PRKN: variants seen among roughly 807,000 people sequenced by gnomAD.
PRKN encodes the protein parkin RBR E3 ubiquitin protein ligase.
Under a neutral mutation model 59.5 loss-of-function variants are expected in PRKN, and 56 were observed. That is an observed-to-expected ratio of 0.94 (90% CI 0.76 to 1.18). The LOEUF (loss-of-function observed/expected upper bound fraction) is 1.18. Among genes scored for constraint, PRKN ranks in the 50% most tolerant of loss-of-function variants. The probability of loss-of-function intolerance (pLI) is 0.00; values close to 1 mark genes in which losing one functional copy is unlikely to be tolerated. For synonymous variants in PRKN, 250 were observed against 222.1 expected (o/e 1.13, Z -1.12); for missense variants, 657 against 596.4 (o/e 1.10, Z -1.06).
intron 6 of PRKN, among the ~76,000 whole-genome samples, chr6:161,876,194 T>C (rs181283233): frequency 1.9e-4 from 29 of 152,332 alleles, no homozygotes; most frequent in Admixed American, 7.2e-4. Flanking sequence ...ATATTGATTA[T>C]TACACTGCTT....
At chr6:161,722,969 A>G (rs1433657718) in intron 7 of PRKN, among the ~76,000 whole-genome samples, 4 of 152,204 alleles carry the variant, frequency 2.6e-5, no homozygotes, top group Non-Finnish European at 2.9e-5. Flanking sequence ...CTCATTTAGG[A>G]GTTAAACAGT....
chr6:162,356,542 T>C (rs1414564529), intron 2 of PRKN, among the ~76,000 whole-genome samples: 1 of 151,686 alleles, frequency 6.6e-6, no homozygotes, highest in Non-Finnish European at 1.5e-5. Flanking sequence ...TACATTTTTT[T>C]TTGCTTGGTC....
rs558030904 is a variant in PRKN, at chr6:162,377,978, C to CA, written c.171+65331dup. The stretch of plus-strand genomic sequence containing the variant: ...AACGCCTAGTAAAACAAGAGGATCC[C>CA]AGTCTCTCCCAGCAGAGTGTGGGCA... On this transcript the variant is annotated intron_variant, in intron 2 of 11. Transcript: ENST00000366898. Among the ~76,000 whole-genome samples the CA allele has an allele frequency of 5.1e-3, 783 of 152,270 alleles. 11 individuals are homozygous for CA. The highest frequency in any genetic ancestry group is 7.0e-3 in the Non-Finnish European group (473 of 68,016).
At chr6:161,626,362 A>G (rs1483470052) in intron 7 of PRKN, among the ~76,000 whole-genome samples, 1 of 152,178 alleles carries the variant, frequency 6.6e-6, no homozygotes, top group Non-Finnish European at 1.5e-5. Flanking sequence ...ACTACCACCC[A>G]TGTGTACACG....
chr6:161,634,777 A>G (rs1298352041), intron 7 of PRKN, among the ~76,000 whole-genome samples: 4 of 152,240 alleles, frequency 2.6e-5, no homozygotes, highest in Non-Finnish European at 4.4e-5. Flanking sequence ...CAAGCAGGTC[A>G]TAAGAACTCA....
intron 1 of PRKN, among the ~76,000 whole-genome samples, chr6:162,529,340 T>C (rs1778412174): frequency 6.6e-6 from 1 of 152,170 alleles, no homozygotes; most frequent in African/African-American, 2.4e-5. Context: ...TAGAAAAGCA[T>C]GCCTATATAT....
chr6:161,805,253 T>C (rs1410301481), intron 6 of PRKN, among the ~76,000 whole-genome samples: 1 of 152,184 alleles, frequency 6.6e-6, no homozygotes, highest in South Asian at 2.1e-4. Flanking sequence ...AACTTGAAAC[T>C]GCCTGTTCTT....
At chr6:162,047,405 A>G (rs966663099) in intron 5 of PRKN, among the ~76,000 whole-genome samples, 1 of 152,234 alleles carries the variant, frequency 6.6e-6, no homozygotes, top group Non-Finnish European at 1.5e-5. Context: ...AGCATGGGCA[A>G]CACAAGAATA....
Position 161,973,391 on chromosome 6 carries a change from G to T in PRKN, c.645C>A (p.His215Gln), listed in dbSNP as rs746340817. ...CTGATGTTTCCTTGTCAGAGGTGGG[G>T]TGTGCTCCACATTTAAAGAAAAATT... ...SAEFFFKCGA[H>Q]PTSDKETSVA... The change falls in exon 6 of 12, where the codon CAC (histidine) becomes CAA (glutamine). Residue 215 changes from histidine to glutamine, a missense_variant. By Grantham distance (24) the His-to-Gln change is conservative. Coordinates refer to ENST00000366898, the MANE Select transcript of PRKN (RefSeq NM_004562.3). 23 of 1,612,584 alleles carry T rather than the reference G, an allele frequency of 1.4e-5. No individual in the cohort carries two copies. The highest frequency in any genetic ancestry group is 2.0e-5 in the Non-Finnish European group (23 of 1,178,734).
intron 1 of PRKN, among the ~76,000 whole-genome samples, chr6:162,678,963 A>G (rs7383763): frequency 0.058 from 8,882 of 151,924 alleles, 439 homozygotes; most frequent in East Asian, 0.29. Flanking sequence ...TTTAGTAGAG[A>G]CAGGGTTTCA....
At chr6:161,791,498 C>T (rs1236731174) in intron 6 of PRKN, among the ~76,000 whole-genome samples, 1 of 152,212 alleles carries the variant, frequency 6.6e-6, no homozygotes, top group Non-Finnish European at 1.5e-5. Context: ...TTCACACACT[C>T]TCTGGCAAAA....
At chr6:161,375,414 A>C (rs1785654556) in intron 10 of PRKN, among the ~76,000 whole-genome samples, 1 of 152,198 alleles carries the variant, frequency 6.6e-6, no homozygotes, top group South Asian at 2.1e-4. Context: ...CCACGCAAGC[A>C]TGCCTTCACT....
At chr6:162,471,434 T>C (rs1469950481) in intron 1 of PRKN, among the ~76,000 whole-genome samples, 1 of 152,210 alleles carries the variant, frequency 6.6e-6, no homozygotes, top group Non-Finnish European at 1.5e-5. Context: ...TTATCATAGA[T>C]AGAGCCATTT....
At chr6:161,957,481 G>T (rs1223864458) in intron 6 of PRKN, among the ~76,000 whole-genome samples, 1 of 146,572 alleles carries the variant, frequency 6.8e-6, no homozygotes, top group East Asian at 2.0e-4. Context: ...CTGAAGTGCA[G>T]TGGCACAATG....
At chr6:161,558,403 A>T (rs980488930) in intron 8 of PRKN, among the ~76,000 whole-genome samples, 34 of 150,892 alleles carry the variant, frequency 2.3e-4, no homozygotes, top group African/African-American at 8.2e-4. Context: ...TTCGACAAAA[A>T]ATTAAAAAAA....
At chr6:162,330,331 T>C (rs1322303340) in intron 2 of PRKN, among the ~76,000 whole-genome samples, 1 of 152,164 alleles carries the variant, frequency 6.6e-6, no homozygotes, top group Non-Finnish European at 1.5e-5. Flanking sequence ...CAGGCCCAAA[T>C]GGGCTGTGGA....
intron 4 of PRKN, among the ~76,000 whole-genome samples, chr6:162,169,600 C>A (rs548638983): frequency 6.6e-6 from 1 of 152,280 alleles, no homozygotes; most frequent in East Asian, 1.9e-4. Flanking sequence ...GATGAAAATA[C>A]ACACGATATG....
At chr6:161,733,806 A>G (rs888437525) in intron 7 of PRKN, among the ~76,000 whole-genome samples, 7 of 142,200 alleles carry the variant, frequency 4.9e-5, no homozygotes, top group African/African-American at 1.6e-4. Context: ...ATGTATATAT[A>G]TATATATATA....
At chr6:162,691,607 A>C (rs1777778033) in intron 1 of PRKN, among the ~76,000 whole-genome samples, 3 of 152,338 alleles carry the variant, frequency 2.0e-5, no homozygotes, top group African/African-American at 7.2e-5. Context: ...AATGTAGTTT[A>C]TTTTATGAAA....
Sources: gnomAD v4.1 joint callset for allele counts (sites outside exome capture counted in the v4.1 genomes callset) on GRCh38, gnomAD v4.1.1 for gene constraint, MANE v1.5 for transcripts, NCBI Gene and HGNC (gene_info 2026-07-23, HGNC 2026-07-21) for gene names.